Variants in CADM1 observed in about 807,000 individuals in gnomAD.
CADM1 encodes TSLC-1.
CADM1 carries 15 observed loss-of-function variants against 53.1 expected under a neutral mutation model. The observed-to-expected ratio is 0.28, with a 90% CI of 0.19 to 0.44. The LOEUF (loss-of-function observed/expected upper bound fraction) is 0.44, where lower values mean the gene tolerates loss of function less well. Among genes scored for constraint, CADM1 ranks in the 20% least tolerant of loss-of-function variants. The pLI, the probability that CADM1 is intolerant of heterozygous loss-of-function variation, is 1.00. For synonymous variants in CADM1, 281 were observed against 243.0 expected (o/e 1.16, Z -1.45); for missense variants, 434 against 611.3 (o/e 0.71, Z 3.06).
intron 1 of CADM1, among the ~76,000 whole-genome samples, chr11:115,290,504 T>C (rs1461511241): frequency 6.6e-6 from 1 of 152,198 alleles, no homozygotes. Flanking sequence ...TTAAAACCTG[T>C]ACACAGGAAA....
chr11:115,219,807 A>AAC (rs1189448699), intron 5 of CADM1, among the ~76,000 whole-genome samples: 1 of 152,104 alleles, frequency 6.6e-6, no homozygotes, highest in Non-Finnish European at 1.5e-5. Context: ...GTAGTCGTGT[A>AAC]ACACACACAC....
At chr11:115,207,960 T>C (rs1940776063) in intron 8 of CADM1, among the ~76,000 whole-genome samples, 1 of 152,202 alleles carries the variant, frequency 6.6e-6, no homozygotes, top group Non-Finnish European at 1.5e-5. Context: ...AAAAACCTAG[T>C]TCTTAGTATG....
At chr11:115,389,669 A>G (rs1946785218) in intron 1 of CADM1, among the ~76,000 whole-genome samples, 1 of 152,190 alleles carries the variant, frequency 6.6e-6, no homozygotes, top group African/African-American at 2.4e-5. Flanking sequence ...TAAAACAGGC[A>G]GATAAAAGGA....
intron 1 of CADM1, among the ~76,000 whole-genome samples, chr11:115,469,757 C>T (rs745859058): frequency 2.7e-5 from 4 of 150,408 alleles, no homozygotes; most frequent in Admixed American, 6.6e-5. Context: ...CTGTAACCTC[C>T]GCCTCCCAGG....
chr11:115,416,698 TACACACAC>T (rs34112529), intron 1 of CADM1, among the ~76,000 whole-genome samples: 24 of 141,466 alleles, frequency 1.7e-4, no homozygotes, highest in Admixed American at 2.2e-4. Context: ...AAGGATTAAA[TACACACAC>T]ACACACACAC....
intron 3 of CADM1, among the ~76,000 whole-genome samples, chr11:115,237,927 G>A (rs1942067405): frequency 1.3e-5 from 2 of 152,170 alleles, no homozygotes; most frequent in East Asian, 3.8e-4. Context: ...ACCAGTTAAA[G>A]TGCTCTTAAC....
At chr11:115,472,544 C>T (rs1304740411) in intron 1 of CADM1, among the ~76,000 whole-genome samples, 1 of 152,156 alleles carries the variant, frequency 6.6e-6, no homozygotes, top group Non-Finnish European at 1.5e-5. Context: ...TTGTAATAAT[C>T]AGAAATTAAC....
intron 1 of CADM1, among the ~76,000 whole-genome samples, chr11:115,379,705 C>T (rs959407647): frequency 6.6e-6 from 1 of 152,154 alleles, no homozygotes; most frequent in Non-Finnish European, 1.5e-5. Flanking sequence ...CTGGGAGGAA[C>T]TACGTGGTCA....
chr11:115,350,643 A>G (rs1192433959), intron 1 of CADM1, among the ~76,000 whole-genome samples: 1 of 151,882 alleles, frequency 6.6e-6, no homozygotes, highest in African/African-American at 2.4e-5. Context: ...TAACTAAAAA[A>G]AAAAATTAAA....
intron 11 of CADM1, among the ~76,000 whole-genome samples, chr11:115,176,957 G>A (rs1939064863): frequency 6.6e-6 from 1 of 152,142 alleles, no homozygotes; most frequent in East Asian, 1.9e-4. Context: ...ATATGTGCAC[G>A]TACATTGTTA....
intron 1 of CADM1, among the ~76,000 whole-genome samples, chr11:115,380,168 A>T (rs1946539034): frequency 6.6e-6 from 1 of 152,180 alleles, no homozygotes; most frequent in African/African-American, 2.4e-5. Flanking sequence ...AATTTCAAAG[A>T]TGTAAAGTGA....
rs550950694 is a variant in CADM1, at chr11:115,334,948, C to G, written c.125-94528G>C. On this transcript the variant is annotated intron_variant, in intron 1 of 11. Transcript: ENST00000331581. The stretch of plus-strand genomic sequence containing the variant: ...ACCTTCTGAAAATTAATATTTTTGG[C>G]ACATATATTTTAAGACATAGCCCTT... Among the ~76,000 whole-genome samples, 8 of 152,210 alleles carry G rather than the reference C, an allele frequency of 5.3e-5. No homozygotes were observed. The South Asian group carries it at 1.7e-3, about 32-fold the overall frequency.
At chr11:115,453,990 C>T (rs1948631698) in intron 1 of CADM1, among the ~76,000 whole-genome samples, 1 of 150,820 alleles carries the variant, frequency 6.6e-6, no homozygotes, top group Non-Finnish European at 1.5e-5. Flanking sequence ...TATCATTTGA[C>T]ATGAGAATAG....
chr11:115,344,751 A>T (rs144630124), intron 1 of CADM1, among the ~76,000 whole-genome samples: 1 of 152,028 alleles, frequency 6.6e-6, no homozygotes, highest in Non-Finnish European at 1.5e-5. Flanking sequence ...TACTACAACA[A>T]CCCTCTCTAA....
chr11:115,461,904 G>C (rs560579369), intron 1 of CADM1, among the ~76,000 whole-genome samples: 14 of 152,216 alleles, frequency 9.2e-5, no homozygotes, highest in Non-Finnish European at 1.5e-4. Flanking sequence ...AAAAAAGTTG[G>C]GCTGTAGGGA....
intron 1 of CADM1, among the ~76,000 whole-genome samples, chr11:115,277,397 TAAC>T (rs1033170005): frequency 6.9e-4 from 105 of 152,276 alleles, no homozygotes; most frequent in African/African-American, 2.3e-3. Context: ...TTAATAATAA[TAAC>T]AACAATAATC....
rs115454639 is a variant in CADM1, at chr11:115,283,472, G to A, written c.125-43052C>T. On this transcript the variant is annotated intron_variant, in intron 1 of 11. Transcript: ENST00000331581. ...AACGCAGTGAGGGGAAGTCATCCCT[G>A]TGTAAAGCCACAGAGGTGGAGGGAA... Among the ~76,000 whole-genome samples the A allele has an allele frequency of 7.3e-3, 1,109 of 152,318 alleles. 11 individuals are homozygous for A. The highest frequency in any genetic ancestry group is 0.026 in the African/African-American group (1,067 of 41,568).
At position 115,500,654 on chromosome 11, in the gene CADM1, T is replaced by C. The variant is rs531995503; in HGVS notation, c.124+3617A>G. ...CATCTTACCAATCTGACATTCACTA[T>C]CAACCACTTCTTGACACATGTCATA... On this transcript the variant is annotated intron_variant, in intron 1 of 11. Transcript: ENST00000331581. Among the ~76,000 whole-genome samples the C allele has an allele frequency of 2.0e-5, 3 of 152,374 alleles. No homozygotes were observed. The South Asian group carries it at 6.2e-4, about 32-fold the overall frequency.
At chr11:115,362,641 C>A (rs1486364246) in intron 1 of CADM1, among the ~76,000 whole-genome samples, 3 of 152,042 alleles carry the variant, frequency 2.0e-5, no homozygotes, top group Non-Finnish European at 4.4e-5. Context: ...ATACAGTCTT[C>A]CATATCGAGG....
Sources: gnomAD v4.1 joint callset for allele counts (sites outside exome capture counted in the v4.1 genomes callset) on GRCh38, gnomAD v4.1.1 for gene constraint, MANE v1.5 for transcripts, NCBI Gene and HGNC (gene_info 2026-07-23, HGNC 2026-07-21) for gene names.